Variants in CHRM3 observed in about 807,000 individuals in gnomAD.
CHRM3 encodes the protein cholinergic receptor muscarinic 3.
In CHRM3, 11 loss-of-function variants were observed where a neutral mutation model predicts 41.8. That is an observed-to-expected ratio of 0.26 (90% CI 0.17 to 0.44). The LOEUF (loss-of-function observed/expected upper bound fraction) is 0.44, where lower values mean the gene tolerates loss of function less well. Among genes scored for constraint, CHRM3 ranks in the 20% least tolerant of loss-of-function variants. The pLI is 1.00. For missense variants in CHRM3, 571 were observed against 745.4 expected, an observed-to-expected ratio of 0.77 and a Z score of 2.72; for synonymous variants, 297 against 301.4, an observed-to-expected ratio of 0.99 and a Z score of 0.15.
At chr1:239,880,963 G>C (rs1282618839) in intron 6 of CHRM3, among the ~76,000 whole-genome samples, 2 of 152,118 alleles carry the variant, frequency 1.3e-5, no homozygotes, top group South Asian at 2.1e-4. Context: ...TAGTAATAAA[G>C]ACAGCAGGCA....
At chr1:239,782,480 A>C (rs2148810266) in intron 5 of CHRM3, among the ~76,000 whole-genome samples, 1 of 152,136 alleles carries the variant, frequency 6.6e-6, no homozygotes, top group Admixed American at 6.5e-5. Context: ...ATGATTTAGT[A>C]ATTTGAATTC....
At chr1:239,861,713 G>A (rs1488155639) in intron 6 of CHRM3, among the ~76,000 whole-genome samples, 1 of 152,084 alleles carries the variant, frequency 6.6e-6, no homozygotes, top group African/African-American at 2.4e-5. Context: ...AGAGGTGAAA[G>A]GCTATCTCTA....
intron 5 of CHRM3, among the ~76,000 whole-genome samples, chr1:239,800,944 A>G (rs1259522483): frequency 2.0e-5 from 3 of 152,086 alleles, no homozygotes; most frequent in Non-Finnish European, 4.4e-5. Context: ...TTCAAGTTAC[A>G]CTTCCAGCTG....
At chr1:239,688,550 T>C (rs1460103298) in intron 5 of CHRM3, among the ~76,000 whole-genome samples, 2 of 137,504 alleles carry the variant, frequency 1.5e-5, no homozygotes, top group South Asian at 2.1e-4. Context: ...CCCATTTATT[T>C]ATATAACATA....
intron 2 of CHRM3, among the ~76,000 whole-genome samples, chr1:239,512,814 G>GAAA (rs111916947): frequency 1.2e-4 from 17 of 147,106 alleles, no homozygotes; most frequent in African/African-American, 4.0e-4. Flanking sequence ...CCTCTTTCTT[G>GAAA]AAAAAAAAAA....
At position 239,580,702 on chromosome 1, in the gene CHRM3, TATAC is replaced by T. The variant is rs796454689; in HGVS notation, c.-313+34955_-313+34958del. Reference sequence around the variant, plus strand: ...CTTTGCCCAATTTTATATATATATATATACACACACACACACACACACACACACA... The same window carrying T: ...CTTTGCCCAATTTTATATATATATATACACACACACACACACACACACACA... On this transcript the variant is annotated intron_variant, in intron 3 of 6. Transcript: ENST00000676153. 1.9e-4 allele frequency among the ~76,000 whole-genome samples: 24 copies of T among 125,792 alleles called. No homozygotes were observed. In the South Asian group the frequency reaches 5.2e-3, roughly 27 times the overall value. The allele number at this position is 125,792 out of a possible 152,430, so 82.5% of individuals were successfully genotyped here.
At chr1:239,392,925 G>A (rs1265213601) in intron 1 of CHRM3, among the ~76,000 whole-genome samples, 1 of 152,176 alleles carries the variant, frequency 6.6e-6, no homozygotes, top group African/African-American at 2.4e-5. Flanking sequence ...CTTGCCCACA[G>A]CCATTTGACA....
chr1:239,738,908 C>G (rs1403710344), intron 5 of CHRM3, among the ~76,000 whole-genome samples: 2 of 152,156 alleles, frequency 1.3e-5, no homozygotes, highest in African/African-American at 4.8e-5. Context: ...AGGTAGAAGC[C>G]TTGGTCACTG....
intron 3 of CHRM3, among the ~76,000 whole-genome samples, chr1:239,568,910 G>T (rs568308398): frequency 6.6e-6 from 1 of 152,222 alleles, no homozygotes; most frequent in Non-Finnish European, 1.5e-5. Flanking sequence ...ACAACAACTG[G>T]AATTCAGCAA....
chr1:239,496,041 A>G (rs928095057), intron 2 of CHRM3, among the ~76,000 whole-genome samples: 1 of 152,154 alleles, frequency 6.6e-6, no homozygotes, highest in Non-Finnish European at 1.5e-5. Context: ...AGTCTGTGCT[A>G]TGTTGAAACC....
chr1:239,468,915 G>A (rs1191211806), intron 1 of CHRM3, among the ~76,000 whole-genome samples: 1 of 152,026 alleles, frequency 6.6e-6, no homozygotes, highest in Non-Finnish European at 1.5e-5. Flanking sequence ...AAATCCATTA[G>A]CAGATCATTA....
At chr1:239,640,482 G>C (rs530910835) in intron 4 of CHRM3, among the ~76,000 whole-genome samples, 1 of 152,240 alleles carries the variant, frequency 6.6e-6, no homozygotes, top group East Asian at 1.9e-4. Context: ...CTTCTTCGTG[G>C]TTTAGTCTTG....
intron 4 of CHRM3, among the ~76,000 whole-genome samples, chr1:239,637,852 T>C: frequency 6.6e-6 from 1 of 150,926 alleles, no homozygotes; most frequent in Non-Finnish European, 1.5e-5. Context: ...CATGCTGGTG[T>C]GCTGCACCCA....
At chr1:239,568,809 C>T (rs1339694729) in intron 3 of CHRM3, among the ~76,000 whole-genome samples, 1 of 152,112 alleles carries the variant, frequency 6.6e-6, no homozygotes, top group Non-Finnish European at 1.5e-5. Context: ...GATAAATAAT[C>T]CCCAAGGAAG....
intron 6 of CHRM3, among the ~76,000 whole-genome samples, chr1:239,877,865 C>T (rs994881821): frequency 6.6e-6 from 1 of 150,680 alleles, no homozygotes; most frequent in African/African-American, 2.4e-5. Flanking sequence ...AAGTGCATTA[C>T]ATTTATTGTG....
At chr1:239,899,671 A>G (rs1572635665) in intron 6 of CHRM3, 1 of 152,160 alleles carries the variant, frequency 6.6e-6, no homozygotes, top group Admixed American at 6.5e-5. Context: ...TATATACACG[A>G]TATAAGTACA....
At position 239,748,796 on chromosome 1, in the gene CHRM3, T is replaced by C. The variant is rs1241734237; in HGVS notation, c.-147+70508T>C. On this transcript the variant is annotated intron_variant, in intron 5 of 6. Transcript: ENST00000676153. The surrounding 1 kb of genome is among the most constrained non-coding windows in gnomAD (Gnocchi z 4.3). ...ACACAAAGAAGTTTTATGCAAATTCTGGTGGGCCTTGTATTTTATGTTAGC... is the reference window on the plus strand; with the variant it reads ...ACACAAAGAAGTTTTATGCAAATTCCGGTGGGCCTTGTATTTTATGTTAGC... 1.3e-5 allele frequency among the ~76,000 whole-genome samples: 2 copies of C among 152,342 alleles called. No homozygotes were observed. Among genetic ancestry groups the C allele is most frequent in the East Asian group, 3.9e-4 (2 of 5,192 alleles).
At chr1:239,390,487 T>C (rs1658929888) in intron 1 of CHRM3, among the ~76,000 whole-genome samples, 1 of 152,200 alleles carries the variant, frequency 6.6e-6, no homozygotes, top group African/African-American at 2.4e-5. Flanking sequence ...GGAATATATC[T>C]TTGTTCAGAT....
chr1:239,661,223 T>C (rs1428498957), intron 4 of CHRM3, among the ~76,000 whole-genome samples: 2 of 152,206 alleles, frequency 1.3e-5, no homozygotes, highest in Admixed American at 1.3e-4. Flanking sequence ...ACCCTTTTGT[T>C]ACTAAATGTC....
Sources: gnomAD v4.1 joint callset for allele counts (sites outside exome capture counted in the v4.1 genomes callset) on GRCh38, gnomAD v4.1.1 for gene constraint, Gnocchi (gnomAD v3.1) non-coding constraint, MANE v1.5 for transcripts, NCBI Gene and HGNC (gene_info 2026-07-23, HGNC 2026-07-21) for gene names.